RBBP9: variants seen among roughly 807,000 people sequenced by gnomAD.
RBBP9 encodes serine hydrolase RBBP9.
RBBP9 carries 20 observed loss-of-function variants against 24.2 expected under a neutral mutation model. The observed-to-expected ratio is 0.83, with a 90% CI of 0.58 to 1.20. The LOEUF (loss-of-function observed/expected upper bound fraction) is 1.20. RBBP9 is among the 50% of genes most tolerant of loss of function. RBBP9 has a pLI of 0.00. For synonymous variants in RBBP9, 74 were observed against 84.6 expected, an observed-to-expected ratio of 0.87 and a Z score of 0.69; for missense variants, 234 against 233.6, an observed-to-expected ratio of 1.00 and a Z score of -0.01.
Position 18,490,378 on chromosome 20 carries a change from T to C in RBBP9, c.334+17A>G, listed in dbSNP as rs762484094. ...TCTAGAGAAGGGCTTTGCTCAGATT[T>C]CTACCTTTGGACTTACCACTTGCAC... On this transcript the variant is annotated intron_variant, in intron 4 of 4. Transcript: ENST00000337227. The C allele has an allele frequency of 6.2e-7, 1 of 1,600,218 alleles. No homozygotes were observed. Among genetic ancestry groups the C allele is most frequent in the South Asian group, 1.1e-5 (1 of 90,780 alleles).
chr20:18,486,659 G>C lies in RBBP9; in HGVS notation c.*3105C>G, dbSNP rs1304568703. On this transcript the variant is annotated 3_prime_UTR_variant, in exon 5 of 5. Coordinates refer to ENST00000337227, the MANE Select transcript of RBBP9 (RefSeq NM_006606.3). ...ATCATTTATCCTACAGGGATAAACTGTAACCAAAACAGATTGTGGGGCTCT... is the reference window on the plus strand; with the variant it reads ...ATCATTTATCCTACAGGGATAAACTCTAACCAAAACAGATTGTGGGGCTCT... 2 of 152,150 alleles carry C rather than the reference G, an allele frequency of 1.3e-5. No individual in the cohort carries two copies. The highest frequency in any genetic ancestry group is 1.3e-4 in the Admixed American group (2 of 15,280). 9.4% of individuals were successfully genotyped at this position (152,150 alleles called of 1,614,324 possible). A position where few individuals can be genotyped will look rare whatever the true frequency, so the allele number is the denominator to read the frequency against.
chr20:18,488,627 A>T lies in RBBP9; in HGVS notation c.*1137T>A, dbSNP rs1410290769. ...AATGGAATGTGCTTGAAAGAGATCTAAAGGGCCATGGAAGTTAAAAGGTTT... is the reference window on the plus strand; with the variant it reads ...AATGGAATGTGCTTGAAAGAGATCTTAAGGGCCATGGAAGTTAAAAGGTTT... On this transcript the variant is annotated 3_prime_UTR_variant, in exon 5 of 5. Coordinates refer to ENST00000337227, the MANE Select transcript of RBBP9 (RefSeq NM_006606.3). 6.6e-6 allele frequency: 1 copy of T among 152,240 alleles called. No individual in the cohort carries two copies. The highest frequency in any genetic ancestry group is 1.9e-4 in the East Asian group (1 of 5,202). 9.4% of individuals were successfully genotyped at this position (152,240 alleles called of 1,614,324 possible). A position where few individuals can be genotyped will look rare whatever the true frequency, so the allele number is the denominator to read the frequency against.
chr20:18,493,921 G>A (rs1197810335), intron 3 of RBBP9, 37 bp downstream of exon 3: 2 of 1,471,404 alleles, frequency 1.4e-6, no homozygotes, highest in Non-Finnish European at 1.9e-6. Flanking sequence ...CATGACTGGA[G>A]CCCACAAAGG....
At chr20:18,490,244 C>A in intron 4 of RBBP9, 151 bp downstream of exon 4, 1 of 687,960 alleles carries the variant, frequency 1.5e-6, no homozygotes, top group East Asian at 2.7e-5. Flanking sequence ...AATCAAAGTG[C>A]AAACTTATAT....
intron 3 of RBBP9, among the ~76,000 whole-genome samples, chr20:18,490,792 G>C (rs140890302): frequency 1.3e-5 from 2 of 151,702 alleles, no homozygotes; most frequent in East Asian, 1.9e-4. Flanking sequence ...CAATTCTCCT[G>C]TTTTAGCCTC....
At position 18,490,456 on chromosome 20, in the gene RBBP9, A is replaced by G. The variant is rs763328669; in HGVS notation, c.273T>C (p.Tyr91=). 2 of 1,613,436 alleles carry G rather than the reference A, an allele frequency of 1.2e-6. No individual in the cohort carries two copies. The highest frequency in any genetic ancestry group is 4.5e-5 in the East Asian group (2 of 44,864). The stretch of plus-strand genomic sequence containing the variant: ...TGTACGCAGACACTAATACAATAGC[A>G]TATACTCGATGTGTTTCTGCATACC... ...AMRYAETHRV[Y]AIVLVSAYTS... Residue 91 remains tyrosine (Y), a synonymous_variant, in exon 4 of 5, where the codon TAT becomes TAC. Coordinates refer to ENST00000337227, the MANE Select transcript of RBBP9 (RefSeq NM_006606.3).
At position 18,492,046 on chromosome 20, in the gene RBBP9, G is replaced by A. The variant is rs564122664; in HGVS notation, c.249-1566C>T. ...TGGGAGGCAGAGGTTGCAGTGAGCCGATATTGTGCCACTGCACTCCAGCCC... is the reference window on the plus strand; with the variant it reads ...TGGGAGGCAGAGGTTGCAGTGAGCCAATATTGTGCCACTGCACTCCAGCCC... On this transcript the variant is annotated intron_variant, in intron 3 of 4. Transcript: ENST00000337227. 7.5e-5 allele frequency among the ~76,000 whole-genome samples: 10 copies of A among 134,066 alleles called. No individual in the cohort carries two copies. The South Asian group carries it at 1.7e-3, about 23-fold the overall frequency. The allele number at this position is 134,066 out of a possible 152,430, so 88.0% of individuals were successfully genotyped here.
Position 18,494,003 on chromosome 20 carries a change from T to TTC in RBBP9, c.201_202dup (p.Lys68ArgfsTer16). On this transcript the variant is annotated frameshift_variant, in exon 3 of 5. Transcript: ENST00000337227. LOFTEE classifies it high-confidence loss of function. ...AGAACTGTGGCCAATGATGATAGTC[T>TTC]TCTCATCACAGTGCAGCTCTGTCTC... 6.2e-7 allele frequency: 1 copy of TTC among 1,613,448 alleles called. No individual in the cohort carries two copies. Among genetic ancestry groups the TTC allele is most frequent in the East Asian group, 2.2e-5 (1 of 44,810 alleles).
At chr20:18,493,525 T>G (rs1600213598) in intron 3 of RBBP9, among the ~76,000 whole-genome samples, 2 of 152,110 alleles carry the variant, frequency 1.3e-5, no homozygotes, top group East Asian at 1.9e-4. Context: ...AAGGGGACAT[T>G]TGAGCAGACA....
Position 18,490,461 on chromosome 20 carries a change from C to T in RBBP9, c.268G>A (p.Val90Ile), listed in dbSNP as rs1368337834. 1.9e-6 allele frequency: 3 copies of T among 1,613,162 alleles called. No homozygotes were observed. The highest frequency in any genetic ancestry group is 2.2e-5 in the East Asian group (1 of 44,858). Residue 90 changes from valine (V) to isoleucine (I), a missense_variant, in exon 4 of 5, where the codon GTA becomes ATA. Transcript: ENST00000337227. ...AAMRYAETHR[V>I]YAIVLVSAYT... ...GCAGACACTAATACAATAGCATATA[C>T]TCGATGTGTTTCTGCATACCTGGAG...
intron 4 of RBBP9, 85 bp downstream of exon 4, chr20:18,490,310 G>A (rs2148873090): frequency 9.3e-7 from 1 of 1,078,218 alleles, no homozygotes. Flanking sequence ...TAGCCTATCT[G>A]AAAGACAGCA....
chr20:18,496,818 A>G (rs1430774541), intron 1 of RBBP9, among the ~76,000 whole-genome samples: 1 of 152,208 alleles, frequency 6.6e-6, no homozygotes, highest in Non-Finnish European at 1.5e-5. Context: ...TCAGGGGCTC[A>G]GCCTCGGTAG....
intron 4 of RBBP9, 129 bp from the exon 5 acceptor site, chr20:18,490,119 C>A: frequency 1.4e-6 from 1 of 691,544 alleles, no homozygotes; most frequent in Non-Finnish European, 2.4e-6. Flanking sequence ...AGAAGCACTT[C>A]TTTTGTTTTC....
chr20:18,495,863 A>G lies in RBBP9; in HGVS notation c.117T>C (p.Cys39=). 6.4e-7 allele frequency: 1 copy of G among 1,569,460 alleles called. No homozygotes were observed. Among genetic ancestry groups the G allele is most frequent in the Non-Finnish European group, 8.7e-7 (1 of 1,143,048 alleles). The change falls in exon 2 of 5, where the codon TGT becomes TGC. Residue 39 remains cysteine, a synonymous_variant. Transcript: ENST00000337227. ...TTGGGTCGGGCATGTTTTTAGCCAA[A>G]CACTGGAAACCAGGTATCTATGATA... is the stretch of plus-strand genomic sequence containing the variant. The part of the protein sequence containing the change: ...KELEKIPGFQ[C]LAKNMPDPIT...
At position 18,487,025 on chromosome 20, in the gene RBBP9, A is replaced by T. The variant is rs1241066077; in HGVS notation, c.*2739T>A. ...AATTAAGTCACTTTTACTTTGTGCT[A>T]TTACTCATTATTGGATGGTGGGTGA... is the stretch of plus-strand genomic sequence containing the variant. On this transcript the variant is annotated 3_prime_UTR_variant, in exon 5 of 5. Transcript: ENST00000337227. The T allele has an allele frequency of 6.6e-6, 1 of 152,212 alleles. No homozygotes were observed. The highest frequency in any genetic ancestry group is 1.5e-5 in the Non-Finnish European group (1 of 68,038). 9.4% of individuals were successfully genotyped at this position (152,212 alleles called of 1,614,324 possible). A position where few individuals can be genotyped will look rare whatever the true frequency, so the allele number is the denominator to read the frequency against.
Position 18,489,884 on chromosome 20 carries a change from T to A in RBBP9, c.441A>T (p.Gln147His). 1 of 1,614,038 alleles carries A rather than the reference T, an allele frequency of 6.2e-7. No homozygotes were observed. The highest frequency in any genetic ancestry group is 8.5e-7 in the Non-Finnish European group (1 of 1,179,922). The change falls in exon 5 of 5, where the codon CAA (glutamine) becomes CAT (histidine). Residue 147 changes from glutamine (Q) to histidine (H), a missense_variant. Physicochemically the swap from Gln to His is conservative, Grantham distance 24. Coordinates refer to ENST00000337227, the MANE Select transcript of RBBP9 (RefSeq NM_006606.3). ...TGGTTTCCAACCTATCGGCCACTTCTTGTTGTTCCTTCCAGGGAAGGAACG... is the reference window on the plus strand; with the variant it reads ...TGGTTTCCAACCTATCGGCCACTTCATGTTGTTCCTTCCAGGGAAGGAACG... The part of the protein sequence containing the change: ...DDPFLPWKEQ[Q>H]EVADRLETKL...
rs2059885324 is a variant in RBBP9, at chr20:18,495,956, G to C, written c.100-76C>G. The C allele has an allele frequency of 4.1e-6, 5 of 1,207,934 alleles. No homozygotes were observed. In the East Asian group the frequency reaches 1.3e-4, roughly 31 times the overall value. The allele number at this position is 1,207,934 out of a possible 1,614,324, so 74.8% of individuals were successfully genotyped here. ...TAATACTTTGCTAATAAGAAATGAGGCACCTGATATGATCGTTACCAATTC... is the reference window on the plus strand; with the variant it reads ...TAATACTTTGCTAATAAGAAATGAGCCACCTGATATGATCGTTACCAATTC... On this transcript the variant is annotated intron_variant, in intron 1 of 4. Coordinates refer to ENST00000337227, the MANE Select transcript of RBBP9 (RefSeq NM_006606.3).
At chr20:18,494,851 C>T (rs1294833734) in intron 2 of RBBP9, among the ~76,000 whole-genome samples, 1 of 152,162 alleles carries the variant, frequency 6.6e-6, no homozygotes, top group African/African-American at 2.4e-5. Flanking sequence ...TATACCTATG[C>T]CTCAAGTATA....
Position 18,487,014 on chromosome 20 carries a change from T to A in RBBP9, c.*2750A>T, listed in dbSNP as rs772094885. On this transcript the variant is annotated 3_prime_UTR_variant, in exon 5 of 5. Coordinates refer to ENST00000337227, the MANE Select transcript of RBBP9 (RefSeq NM_006606.3). ...AAGTAATTTCAAATTAAGTCACTTT[T>A]ACTTTGTGCTATTACTCATTATTGG... is the stretch of plus-strand genomic sequence containing the variant. 1.1e-4 allele frequency: 17 copies of A among 152,250 alleles called. No individual in the cohort carries two copies. Among genetic ancestry groups the A allele is most frequent in the Non-Finnish European group, 2.1e-4 (14 of 68,044 alleles). 9.4% of individuals were successfully genotyped at this position (152,250 alleles called of 1,614,324 possible).
Sources: gnomAD v4.1 joint callset for allele counts (sites outside exome capture counted in the v4.1 genomes callset) on GRCh38, gnomAD v4.1.1 for gene constraint, MANE v1.5 for transcripts, NCBI Gene and HGNC (gene_info 2026-07-23, HGNC 2026-07-21) for gene names.